The following SULF1 variants were observed in gnomAD, a reference collection of about 807,000 sequenced individuals.
The protein encoded by SULF1 is sulfatase 1.
In SULF1, 46 loss-of-function variants were observed where a neutral mutation model predicts 110.5. That is an observed-to-expected ratio of 0.42 (90% CI 0.33 to 0.53). The LOEUF is 0.53. SULF1 is among the 20% of genes least tolerant of loss of function. The probability of loss-of-function intolerance (pLI) is 0.12; values close to 1 mark genes in which losing one functional copy is unlikely to be tolerated. For missense variants in SULF1, 941 were observed against 1,094.2 expected (o/e 0.86, Z 1.98); for synonymous variants, 371 against 387.1 (o/e 0.96, Z 0.49).
intron 6 of SULF1, among the ~76,000 whole-genome samples, chr8:69,580,461 G>A (rs975527911): frequency 3.3e-5 from 5 of 152,124 alleles, no homozygotes; most frequent in East Asian, 1.9e-4. Flanking sequence ...TGAAAACATC[G>A]TGGAATCACA....
intron 3 of SULF1, among the ~76,000 whole-genome samples, chr8:69,503,772 A>G (rs1037017626): frequency 1.3e-5 from 2 of 152,052 alleles, no homozygotes; most frequent in African/African-American, 2.4e-5. Flanking sequence ...CTCTTATGCT[A>G]TGAAGAAGCC....
In SULF1 at chr8:69,593,260, G is replaced by A. The variant is rs144463657; in HGVS notation, c.734+4119G>A. Among the ~76,000 whole-genome samples the A allele has an allele frequency of 4.6e-5, 7 of 152,214 alleles. No individual in the cohort carries two copies. In the South Asian group the frequency reaches 6.2e-4, roughly 14 times the overall value. On this transcript the variant is annotated intron_variant, in intron 8 of 22. Coordinates refer to ENST00000402687, the MANE Select transcript of SULF1 (RefSeq NM_001128205.2). ...TGAGATAAATTGAAGACAAGCTGCC[G>A]ATGGTAGTGCATGGAACTGCTCAAT...
intron 6 of SULF1, 123 bp from the exon 7 acceptor site, chr8:69,586,234 T>A (rs2150765470): frequency 1.1e-6 from 1 of 948,224 alleles, no homozygotes; most frequent in Admixed American, 3.3e-5. Context: ...ATTTTGGCAT[T>A]CACTATTACC....
intron 5 of SULF1, among the ~76,000 whole-genome samples, chr8:69,567,012 C>T (rs2150727076): frequency 6.6e-6 from 1 of 152,310 alleles, no homozygotes; most frequent in Non-Finnish European, 1.5e-5. Context: ...AGATCTGAGT[C>T]TCCACAGCTA....
chr8:69,651,933 CAG>C (rs1197645392), intron 22 of SULF1, among the ~76,000 whole-genome samples: 9 of 152,106 alleles, frequency 5.9e-5, no homozygotes, highest in Non-Finnish European at 1.3e-4. Context: ...TTCTAGGGGT[CAG>C]AAATTCGAAA....
chr8:69,609,207 G>T lies in SULF1; in HGVS notation c.1377+4275G>T, dbSNP rs149473418. Among the ~76,000 whole-genome samples, 298 of 152,222 alleles carry T rather than the reference G, an allele frequency of 2.0e-3. 1 individual carries two copies. The highest frequency in any genetic ancestry group is 5.0e-3 in the East Asian group (26 of 5,170). On this transcript the variant is annotated intron_variant, in intron 13 of 22. Coordinates refer to ENST00000402687, the MANE Select transcript of SULF1 (RefSeq NM_001128205.2). ...CCACGCACAAACAAAATAGCCAGGCGTGGTGGTGTGTGCCTGCAGTACCAG... is the reference window on the plus strand; with the variant it reads ...CCACGCACAAACAAAATAGCCAGGCTTGGTGGTGTGTGCCTGCAGTACCAG...
chr8:69,561,895 A>G (rs180833537), intron 3 of SULF1, among the ~76,000 whole-genome samples: 37 of 152,364 alleles, frequency 2.4e-4, no homozygotes, highest in Admixed American at 3.9e-4. Context: ...ACGATTTAAA[A>G]CAAATGCACA....
At chr8:69,513,419 C>A (rs1490461238) in intron 3 of SULF1, among the ~76,000 whole-genome samples, 1 of 152,182 alleles carries the variant, frequency 6.6e-6, no homozygotes, top group Non-Finnish European at 1.5e-5. Context: ...TTGTGAAAGG[C>A]AAGAACTCCA....
At chr8:69,638,261 A>G in intron 19 of SULF1, 1 of 482,076 alleles carries the variant, frequency 2.1e-6, no homozygotes, top group Non-Finnish European at 3.6e-6. Context: ...ATGTGCCTGA[A>G]ATTTTACTTT....
chr8:69,600,390 G>A (rs965664535), intron 8 of SULF1, among the ~76,000 whole-genome samples: 10 of 152,132 alleles, frequency 6.6e-5, no homozygotes, highest in African/African-American at 1.9e-4. Flanking sequence ...GGTTTTATAT[G>A]TTTGAATATA....
At chr8:69,579,664 A>G (rs961760242) in intron 6 of SULF1, among the ~76,000 whole-genome samples, 2 of 152,184 alleles carry the variant, frequency 1.3e-5, no homozygotes, top group Admixed American at 6.5e-5. Flanking sequence ...TCAGACAATT[A>G]GGAAGTAAAA....
chr8:69,635,869 C>CAA (rs763827150), intron 19 of SULF1, among the ~76,000 whole-genome samples: 2 of 134,172 alleles, frequency 1.5e-5, no homozygotes, highest in African/African-American at 2.7e-5. Context: ...GAAACTGTCT[C>CAA]AAAAAAAAAA....
At chr8:69,658,434 T>C in intron 22 of SULF1, 71 bp from the exon 23 acceptor site, 3 of 1,095,968 alleles carry the variant, frequency 2.7e-6, no homozygotes, top group Non-Finnish European at 4.0e-6. Flanking sequence ...AAAAACAATG[T>C]AAGTTGCTTG....
chr8:69,640,524 A>G (rs76864987), intron 21 of SULF1, among the ~76,000 whole-genome samples: 1,591 of 152,332 alleles, frequency 0.01, 28 homozygotes, highest in African/African-American at 0.036. Context: ...GACTTCTGGA[A>G]GTACTTTTCC....
intron 6 of SULF1, among the ~76,000 whole-genome samples, chr8:69,580,592 C>T (rs1805995920): frequency 6.6e-6 from 1 of 152,110 alleles, no homozygotes; most frequent in South Asian, 2.1e-4. Flanking sequence ...TGTGTTATAA[C>T]TTTATTATAC....
At chr8:69,605,100 G>A (rs1056420611) in intron 13 of SULF1, among the ~76,000 whole-genome samples, 168 bp downstream of exon 13, 1 of 152,200 alleles carries the variant, frequency 6.6e-6, no homozygotes, top group Non-Finnish European at 1.5e-5. Context: ...TTACGTAACT[G>A]GTTCAGGCTG....
At chr8:69,469,530 T>C (rs953076312) in intron 1 of SULF1, 2 of 152,154 alleles carry the variant, frequency 1.3e-5, no homozygotes, top group Non-Finnish European at 2.9e-5. Context: ...AGGTTATGAG[T>C]AGGAACCTCC....
intron 1 of SULF1, among the ~76,000 whole-genome samples, chr8:69,484,701 T>C (rs1224807430): frequency 6.6e-6 from 1 of 152,168 alleles, no homozygotes; most frequent in Non-Finnish European, 1.5e-5. Flanking sequence ...AATGTCTGCA[T>C]TTCATTATTT....
At chr8:69,600,884 AGAGT>A in intron 9 of SULF1, 131 bp downstream of exon 9, 1 of 1,062,382 alleles carries the variant, frequency 9.4e-7, no homozygotes, top group Non-Finnish European at 1.4e-6. Context: ...AGAAAGAGAG[AGAGT>A]ATGTGTTTAG....
Sources: gnomAD v4.1 joint callset for allele counts (sites outside exome capture counted in the v4.1 genomes callset) on GRCh38, gnomAD v4.1.1 for gene constraint, MANE v1.5 for transcripts, NCBI Gene and HGNC (gene_info 2026-07-23, HGNC 2026-07-21) for gene names.